MEX3A: variants seen among roughly 807,000 people sequenced by gnomAD.
The protein encoded by MEX3A is mex-3 RNA binding family member A, also known as RNA-binding protein MEX3A.
A neutral mutation model predicts 30.0 loss-of-function variants in MEX3A; 4 were observed. That is an observed-to-expected ratio of 0.13 (90% CI 0.07 to 0.30). MEX3A has a LOEUF of 0.30. Ranked by LOEUF, MEX3A falls within the 10% of genes least tolerant of loss-of-function variation. The probability of loss-of-function intolerance (pLI) is 1.00; values close to 1 mark genes in which losing one functional copy is unlikely to be tolerated. For missense variants in MEX3A, 555 were observed against 736.7 expected (o/e 0.75, Z 2.86); for synonymous variants, 335 against 327.6 (o/e 1.02, Z -0.24).
rs1648054252 is a variant in MEX3A at position 156,076,079 on chromosome 1, G to C, written c.*495C>G. On this transcript the variant is annotated 3_prime_UTR_variant, in exon 2 of 2. Transcript: ENST00000532414. This position sits in a 1 kb window ranked among gnomAD's most constrained non-coding sequence, Gnocchi z 6.0. ...AGTTTCCCAAACAGGATATGGGGGT[G>C]GGGTGGGAGGTAAAGGGTCATGTTA... 1 of 153,950 alleles carries C rather than the reference G, an allele frequency of 6.5e-6. No homozygotes were observed. Among genetic ancestry groups the C allele is most frequent in the South Asian group, 2.1e-4 (1 of 4,876 alleles). 9.5% of individuals were successfully genotyped at this position (153,950 alleles called of 1,614,324 possible).
Position 156,081,793 on chromosome 1 carries a change from G to T in MEX3A, c.206C>A (p.Ala69Asp). The change falls in exon 1 of 2, where the codon GCC (alanine) becomes GAC (aspartate). Residue 69 changes from alanine to aspartate, a missense_variant. Ala to Asp is a moderately radical substitution (Grantham distance 126). Transcript: ENST00000532414. ...CGGGGGGGCGGCCGGCTGCGCGGGG[G>T]CGCCGCCCCCCCCACCTCCCCCGTC... is the stretch of plus-strand genomic sequence containing the variant. Reference protein sequence around the residue: ...GEDGGGGGGGAPAQPAAPPQP... With the variant: ...GEDGGGGGGGDPAQPAAPPQP... 1.9e-6 allele frequency: 2 copies of T among 1,052,450 alleles called. No individual in the cohort carries two copies. The highest frequency in any genetic ancestry group is 1.2e-6 in the Non-Finnish European group (1 of 839,204). The allele number at this position is 1,052,450 out of a possible 1,614,324, so 65.2% of individuals were successfully genotyped here.
intron 1 of MEX3A, among the ~76,000 whole-genome samples, chr1:156,078,476 G>C (rs926483061): frequency 1.3e-5 from 2 of 152,146 alleles, no homozygotes; most frequent in Admixed American, 6.5e-5. Flanking sequence ...AGCTGGGCTG[G>C]GGCTGAGTAC....
Position 156,077,656 on chromosome 1 carries a change from T to G in MEX3A, c.481A>C (p.Lys161Gln). ...QGCKIKALRA[K>Q]TNTYIKTPVR... ...GGTGTCTTGATGTAGGTGTTGGTCT[T>G]GGCCCTCAAGGCCTTAATCTTGCAG... The change falls in exon 2 of 2, where the codon AAG becomes CAG. Residue 161 changes from lysine (K) to glutamine (Q), a missense_variant. Transcript: ENST00000532414. The surrounding 1 kb of genome is among the most constrained non-coding windows in gnomAD (Gnocchi z 8.3). 2 of 1,598,526 alleles carry G rather than the reference T, an allele frequency of 1.3e-6. No homozygotes were observed. Among genetic ancestry groups the G allele is most frequent in the African/African-American group, 1.3e-5 (1 of 74,970 alleles).
intron 1 of MEX3A, among the ~76,000 whole-genome samples, chr1:156,079,717 A>G (rs1264013998): frequency 8.5e-5 from 13 of 152,146 alleles, no homozygotes. Context: ...TTCTACTCAC[A>G]TATCGTTTGA....
At position 156,076,433 on chromosome 1, in the gene MEX3A, T is replaced by C; in HGVS notation, c.*141A>G. The C allele has an allele frequency of 1.1e-6, 1 of 885,540 alleles. No homozygotes were observed. The highest frequency in any genetic ancestry group is 3.5e-4 in the Middle Eastern group (1 of 2,888). 54.9% of individuals were successfully genotyped at this position (885,540 alleles called of 1,614,324 possible). Reference sequence around the variant, plus strand: ...AAGTGGCGCACCCTCCAGCCACCACTGCCTCCCTCCCCCCTTCCCCAGCGA... The same window carrying C: ...AAGTGGCGCACCCTCCAGCCACCACCGCCTCCCTCCCCCCTTCCCCAGCGA... On this transcript the variant is annotated 3_prime_UTR_variant, in exon 2 of 2. Transcript: ENST00000532414. This position sits in a 1 kb window ranked among gnomAD's most constrained non-coding sequence, Gnocchi z 6.0.
At chr1:156,081,505 C>A in intron 1 of MEX3A, 40 bp downstream of exon 1, 1 of 1,540,340 alleles carries the variant, frequency 6.5e-7, no homozygotes. Context: ...GAGGGTGCCC[C>A]CACTACAGTC....
chr1:156,073,653 T>C lies in MEX3A; in HGVS notation c.*2921A>G, dbSNP rs1401076340. The C allele has an allele frequency of 2.0e-5, 3 of 152,102 alleles. No individual in the cohort carries two copies. Among genetic ancestry groups the C allele is most frequent in the Non-Finnish European group, 4.4e-5 (3 of 67,994 alleles). The allele number at this position is 152,102 out of a possible 1,614,324, so 9.4% of individuals were successfully genotyped here. ...ATTATATGAAATAAATTTGAATTATTATTATTAATAATTATTATTTTGTAG... is the reference window on the plus strand; with the variant it reads ...ATTATATGAAATAAATTTGAATTATCATTATTAATAATTATTATTTTGTAG... On this transcript the variant is annotated 3_prime_UTR_variant, in exon 2 of 2. Coordinates refer to ENST00000532414, the MANE Select transcript of MEX3A (RefSeq NM_001093725.2).
Position 156,082,359 on chromosome 1 carries a change from C to A in MEX3A, c.-361G>T, listed in dbSNP as rs1648283825. ...CCTCGGACCTGGGAGTCTCTAGCCC[C>A]CGCTGTCCAGGCGCCCCCGTTAGGC... On this transcript the variant is annotated 5_prime_UTR_variant, in exon 1 of 2. Coordinates refer to ENST00000532414, the MANE Select transcript of MEX3A (RefSeq NM_001093725.2). 6.6e-6 allele frequency among the ~76,000 whole-genome samples: 1 copy of A among 152,108 alleles called. No homozygotes were observed. Among genetic ancestry groups the A allele is most frequent in the Non-Finnish European group, 1.5e-5 (1 of 67,974 alleles).
At position 156,076,870 on chromosome 1, in the gene MEX3A, G is replaced by A. The variant is rs939180332; in HGVS notation, c.1267C>T (p.Pro423Ser). The A allele has an allele frequency of 6.5e-7, 1 of 1,538,648 alleles. No homozygotes were observed. Among genetic ancestry groups the A allele is most frequent in the South Asian group, 1.2e-5 (1 of 81,456 alleles). The change falls in exon 2 of 2, where the codon CCG becomes TCG. Residue 423 changes from proline to serine, a missense_variant. Pro to Ser is a moderately conservative substitution (Grantham distance 74). Transcript: ENST00000532414. The surrounding 1 kb of genome is among the most constrained non-coding windows in gnomAD (Gnocchi z 6.0). ...SSSAKARAGP[P>S]GAHRSPATSA... Reference sequence around the variant, plus strand: ...GTGGCAGGGGAGCGGTGTGCGCCCGGGGGCCCAGCGCGGGCCTTGGCGGAA... The same window carrying A: ...GTGGCAGGGGAGCGGTGTGCGCCCGAGGGCCCAGCGCGGGCCTTGGCGGAA...
rs1648073298 is a variant in MEX3A at position 156,076,755 on chromosome 1, CGCA to C, written c.1379_1381del (p.Leu460del). 1.3e-6 allele frequency: 2 copies of C among 1,599,410 alleles called. No individual in the cohort carries two copies. Among genetic ancestry groups the C allele is most frequent in the Middle Eastern group, 1.7e-4 (1 of 6,038 alleles). On this transcript the variant is annotated inframe_deletion, in exon 2 of 2. Transcript: ENST00000532414. The surrounding 1 kb of genome is among the most constrained non-coding windows in gnomAD (Gnocchi z 6.0). ...GCAATCCCGCCCGCCGCCGGGGCTCCGCAGGCCGCCCCCACCAAGTTTAGAGAA... is the reference window on the plus strand; with the variant it reads ...GCAATCCCGCCCGCCGCCGGGGCTCCGGCCGCCCCCACCAAGTTTAGAGAA...
chr1:156,074,172 A>G lies in MEX3A; in HGVS notation c.*2402T>C, dbSNP rs951137260. On this transcript the variant is annotated 3_prime_UTR_variant, in exon 2 of 2. Transcript: ENST00000532414. ...AAAACACTTTTTTTTTTTAAGATTT[A>G]ACTCTGAATACAAATGTATTTTTTT... 2 of 152,038 alleles carry G rather than the reference A, an allele frequency of 1.3e-5. No homozygotes were observed. Among genetic ancestry groups the G allele is most frequent in the Admixed American group, 6.6e-5 (1 of 15,234 alleles). The allele number at this position is 152,038 out of a possible 1,614,324, so 9.4% of individuals were successfully genotyped here.
rs150926115 is a variant in MEX3A, at chr1:156,079,038, C to T, written c.455-1356G>A. On this transcript the variant is annotated intron_variant, in intron 1 of 1. Transcript: ENST00000532414. Reference sequence around the variant, plus strand: ...GAGCACAACTCACTATTCCCCTTCTCTCTCCAACCGAAACCAAGTGGTCCT... The same window carrying T: ...GAGCACAACTCACTATTCCCCTTCTTTCTCCAACCGAAACCAAGTGGTCCT... Among the ~76,000 whole-genome samples the T allele has an allele frequency of 4.5e-4, 68 of 152,252 alleles. 1 individual carries two copies. The highest frequency in any genetic ancestry group is 1.6e-3 in the African/African-American group (66 of 41,556).
At position 156,081,826 on chromosome 1, in the gene MEX3A, G is replaced by A; in HGVS notation, c.173C>T (p.Ala58Val). Reference sequence around the variant, plus strand: ...CCCCCCACCTCCCCCGTCCTCGCCCGCCGTGGGGGCGGGGGGCTCCCCCAA... The same window carrying A: ...CCCCCCACCTCCCCCGTCCTCGCCCACCGTGGGGGCGGGGGGCTCCCCCAA... ...LGLGEPPAPT[A>V]GEDGGGGGGG... Residue 58 changes from alanine to valine, a missense_variant, in exon 1 of 2, where the codon GCG becomes GTG. By Grantham distance (64) the Ala-to-Val change is moderately conservative. This residue lies in a region of MEX3A where 159 missense variants were observed against 159.9 expected (regional missense o/e 0.99). Coordinates refer to ENST00000532414, the MANE Select transcript of MEX3A (RefSeq NM_001093725.2). 2 of 1,126,028 alleles carry A rather than the reference G, an allele frequency of 1.8e-6. No individual in the cohort carries two copies. Among genetic ancestry groups the A allele is most frequent in the Non-Finnish European group, 2.3e-6 (2 of 871,240 alleles). The allele number at this position is 1,126,028 out of a possible 1,614,324, so 69.8% of individuals were successfully genotyped here.
rs544916927 is a variant in MEX3A at position 156,079,795 on chromosome 1, G to A, written c.454+1750C>T. ...TAAATGAGAGCTAGGTATCTTTAGCGGTTGGGGTTGGGGTGAGGAGGACAG... is the reference window on the plus strand; with the variant it reads ...TAAATGAGAGCTAGGTATCTTTAGCAGTTGGGGTTGGGGTGAGGAGGACAG... On this transcript the variant is annotated intron_variant, in intron 1 of 1. Coordinates refer to ENST00000532414, the MANE Select transcript of MEX3A (RefSeq NM_001093725.2). Among the ~76,000 whole-genome samples the A allele has an allele frequency of 1.7e-4, 26 of 152,284 alleles. No individual in the cohort carries two copies. The East Asian group carries it at 4.2e-3, about 25-fold the overall frequency.
rs1319558228 is a variant in MEX3A at position 156,077,789 on chromosome 1, C to A, written c.455-107G>T. On this transcript the variant is annotated intron_variant, in intron 1 of 1. Transcript: ENST00000532414. This position sits in a 1 kb window ranked among gnomAD's most constrained non-coding sequence, Gnocchi z 8.3. ...ACCCAAATACCTAGCCTCCCAGGAA[C>A]ACTTCAGTCTACCCTTTGAAATGCC... 2.1e-6 allele frequency: 3 copies of A among 1,431,708 alleles called. No individual in the cohort carries two copies. The highest frequency in any genetic ancestry group is 2.7e-6 in the Non-Finnish European group (3 of 1,091,000). 88.7% of individuals were successfully genotyped at this position (1,431,708 alleles called of 1,614,324 possible). A position where few individuals can be genotyped will look rare whatever the true frequency, so the allele number is the denominator to read the frequency against.
chr1:156,077,578 C>A lies in MEX3A; in HGVS notation c.559G>T (p.Ala187Ser). The A allele has an allele frequency of 6.2e-7, 1 of 1,611,950 alleles. No homozygotes were observed. The highest frequency in any genetic ancestry group is 8.5e-7 in the Non-Finnish European group (1 of 1,179,358). ...FMVTGRREDV[A>S]TARREIISAA... ...GAGATGATTTCCCGCCGGGCTGTGG[C>A]CACGTCCTCCCGTCGCCCTGTCACC... The change falls in exon 2 of 2, where the codon GCC (alanine) becomes TCC (serine). Residue 187 changes from alanine to serine, a missense_variant. Ala to Ser is a moderately conservative substitution (Grantham distance 99, BLOSUM62 1). This residue lies in a region of MEX3A where 32 missense variants were observed against 107.4 expected (regional missense o/e 0.30). Coordinates refer to ENST00000532414, the MANE Select transcript of MEX3A (RefSeq NM_001093725.2). This position sits in a 1 kb window ranked among gnomAD's most constrained non-coding sequence, Gnocchi z 8.3.
At position 156,081,748 on chromosome 1, in the gene MEX3A, G is replaced by A; in HGVS notation, c.251C>T (p.Pro84Leu). ...AAPPQPAPPP[P>L]PAAPPAAPTA... ...CGGGGCGGCCGGGGGCGCCGCGGGC[G>A]GCGGCGGCGGGGCCGGCTGCGGGGG... Residue 84 changes from proline (P) to leucine (L), a missense_variant, in exon 1 of 2, where the codon CCG (proline) becomes CTG (leucine). This residue lies in a region of MEX3A where 159 missense variants were observed against 159.9 expected (regional missense o/e 0.99). Transcript: ENST00000532414. 4.7e-6 allele frequency: 4 copies of A among 850,122 alleles called. No individual in the cohort carries two copies. The highest frequency in any genetic ancestry group is 5.6e-6 in the Non-Finnish European group (4 of 708,520). 52.7% of individuals were successfully genotyped at this position (850,122 alleles called of 1,614,324 possible). A position where few individuals can be genotyped will look rare whatever the true frequency, so the allele number is the denominator to read the frequency against.
At position 156,076,464 on chromosome 1, in the gene MEX3A, T is replaced by G. The variant is rs1458403847; in HGVS notation, c.*110A>C. 28 of 1,140,354 alleles carry G rather than the reference T, an allele frequency of 2.5e-5. No homozygotes were observed. Among genetic ancestry groups the G allele is most frequent in the Non-Finnish European group, 3.0e-5 (25 of 829,008 alleles). The allele number at this position is 1,140,354 out of a possible 1,614,324, so 70.6% of individuals were successfully genotyped here. Reference sequence around the variant, plus strand: ...CCTCCCCCCTTCCCCAGCGAGCGAGTATCTCTAAGCACCTTGCCCCTCAAA... The same window carrying G: ...CCTCCCCCCTTCCCCAGCGAGCGAGGATCTCTAAGCACCTTGCCCCTCAAA... On this transcript the variant is annotated 3_prime_UTR_variant, in exon 2 of 2. Transcript: ENST00000532414. This position sits in a 1 kb window ranked among gnomAD's most constrained non-coding sequence, Gnocchi z 6.0.
intron 1 of MEX3A, among the ~76,000 whole-genome samples, chr1:156,081,306 C>A (rs1312791711): frequency 6.6e-6 from 1 of 152,198 alleles, no homozygotes; most frequent in Non-Finnish European, 1.5e-5. Context: ...TCTTCCAGTG[C>A]GAGGATATTT....
Sources: gnomAD v4.1 joint callset for allele counts (sites outside exome capture counted in the v4.1 genomes callset) on GRCh38, gnomAD v4.1.1 for gene constraint, gnomAD v4.1.1 regional missense constraint, Gnocchi (gnomAD v3.1) non-coding constraint, MANE v1.5 for transcripts, NCBI Gene and HGNC (gene_info 2026-07-23, HGNC 2026-07-21) for gene names.